Variants in TMEM116 observed in about 807,000 individuals in gnomAD.
The protein encoded by TMEM116 is transmembrane protein 116.
Under a neutral mutation model 44.3 loss-of-function variants are expected in TMEM116, and 38 were observed. That is an observed-to-expected ratio of 0.86 (90% CI 0.66 to 1.12). The LOEUF (loss-of-function observed/expected upper bound fraction) is 1.12. Among genes scored for constraint, TMEM116 ranks in the 50% most tolerant of loss-of-function variants. The pLI, the probability that TMEM116 is intolerant of heterozygous loss-of-function variation, is 0.00. For synonymous variants in TMEM116, 132 were observed against 144.8 expected (o/e 0.91, Z 0.64); for missense variants, 354 against 401.7 (o/e 0.88, Z 1.01).
chr12:111,968,992 C>CAAAAAAAAA (rs1176204219), intron 4 of TMEM116, among the ~76,000 whole-genome samples: 3 of 45,134 alleles, frequency 6.6e-5, no homozygotes, highest in Non-Finnish European at 9.0e-5. Flanking sequence ...GACTCTATCT[C>CAAAAAAAAA]AAAAAAAAAA....
At position 111,975,570 on chromosome 12, in the gene TMEM116, T is replaced by G. The variant is rs2075622934; in HGVS notation, c.210+16188A>C. On this transcript the variant is annotated intron_variant, in intron 4 of 10. Transcript: ENST00000552374. ...AATACTGCCTAATTTCAAGAAACGGTTTACAGCTAAAATAATCAAAATACC... is the reference window on the plus strand; with the variant it reads ...AATACTGCCTAATTTCAAGAAACGGGTTACAGCTAAAATAATCAAAATACC... 2.0e-5 allele frequency among the ~76,000 whole-genome samples: 3 copies of G among 152,274 alleles called. No homozygotes were observed. The South Asian group carries it at 6.2e-4, about 32-fold the overall frequency.
intron 4 of TMEM116, among the ~76,000 whole-genome samples, chr12:111,970,117 T>C (rs2075242708): frequency 6.6e-6 from 1 of 151,106 alleles, no homozygotes; most frequent in Admixed American, 6.6e-5. Flanking sequence ...AATAGAAAAA[T>C]TAGCTGGGCT....
intron 3 of TMEM116, chr12:112,000,614 T>C (rs1334209295): frequency 1.4e-5 from 5 of 362,476 alleles, no homozygotes; most frequent in Admixed American, 3.3e-5. Context: ...GCAGTCTTAC[T>C]TACTTACTTC....
At chr12:111,941,240 G>A (rs1250587508) in intron 5 of TMEM116, among the ~76,000 whole-genome samples, 1 of 152,030 alleles carries the variant, frequency 6.6e-6, no homozygotes, top group Non-Finnish European at 1.5e-5. Flanking sequence ...GCTGGGTGTG[G>A]TGGCATGTGC....
At chr12:111,937,121 T>A (rs1185684035) in intron 7 of TMEM116, 39 bp downstream of exon 7, 18 of 1,527,832 alleles carry the variant, frequency 1.2e-5, no homozygotes, top group Non-Finnish European at 1.6e-5. Context: ...CAAATAGGTG[T>A]AGTCTGCCAT....
intron 3 of TMEM116, among the ~76,000 whole-genome samples, chr12:111,996,173 A>G (rs1442662416): frequency 6.6e-6 from 1 of 152,098 alleles, no homozygotes; most frequent in Non-Finnish European, 1.5e-5. Flanking sequence ...AAATTTTCCT[A>G]AACAAAACAC....
chr12:111,971,413 T>C (rs1306639285), intron 4 of TMEM116, among the ~76,000 whole-genome samples: 2 of 152,054 alleles, frequency 1.3e-5, no homozygotes, highest in Non-Finnish European at 2.9e-5. Context: ...ATTCTTATCC[T>C]ATATGTGAAG....
chr12:111,932,463 A>G (rs930393963), intron 10 of TMEM116, 123 bp downstream of exon 10: 1 of 776,562 alleles, frequency 1.3e-6, no homozygotes, highest in Non-Finnish European at 2.1e-6. Context: ...TAAATAATAC[A>G]TTTTCTCTTT....
At chr12:112,000,673 A>G (rs778845218) in intron 3 of TMEM116, 2 of 489,888 alleles carry the variant, frequency 4.1e-6, no homozygotes, top group Non-Finnish European at 8.3e-6. Flanking sequence ...CTTTATTCCA[A>G]TAATGACCTA....
intron 4 of TMEM116, among the ~76,000 whole-genome samples, chr12:111,946,711 A>G (rs2073311323): frequency 6.6e-6 from 1 of 152,210 alleles, no homozygotes; most frequent in Admixed American, 6.5e-5. Flanking sequence ...TGCTTAAGAT[A>G]CTAGTTTTCT....
intron 3 of TMEM116, chr12:112,000,637 G>A (rs2077201610): frequency 2.4e-6 from 1 of 409,868 alleles, no homozygotes; most frequent in Non-Finnish European, 4.9e-6. Context: ...GAGCCTCCCA[G>A]GCTCAAGTGA....
chr12:111,932,634 C>T lies in TMEM116; in HGVS notation c.759G>A (p.Leu253=). Residue 253 remains leucine (L), a synonymous_variant, in exon 10 of 11, where the codon CTG becomes CTA. Coordinates refer to ENST00000552374, the MANE Select transcript of TMEM116 (RefSeq NM_001193531.2). ...GPAVILMIIK[L]TKPQDTKLHM... ...GAAGCTTGGTGTCCTGTGGCTTAGTCAGCTTTATGATCATTAGAATGACAG... is the reference window on the plus strand; with the variant it reads ...GAAGCTTGGTGTCCTGTGGCTTAGTTAGCTTTATGATCATTAGAATGACAG... 1 of 1,614,160 alleles carries T rather than the reference C, an allele frequency of 6.2e-7. No individual in the cohort carries two copies. The highest frequency in any genetic ancestry group is 8.5e-7 in the Non-Finnish European group (1 of 1,180,016).
chr12:111,976,820 G>A (rs2075696464), intron 4 of TMEM116, among the ~76,000 whole-genome samples: 1 of 151,986 alleles, frequency 6.6e-6, no homozygotes, highest in African/African-American at 2.4e-5. Flanking sequence ...TACTGTAATA[G>A]ACATAAAGAA....
chr12:111,956,896 C>G (rs2074140789), intron 4 of TMEM116, among the ~76,000 whole-genome samples: 1 of 152,200 alleles, frequency 6.6e-6, no homozygotes. Flanking sequence ...CCTTGGCCTC[C>G]CAAAGTCCCA....
chr12:111,955,260 C>T (rs373043130), intron 4 of TMEM116, among the ~76,000 whole-genome samples: 2 of 152,130 alleles, frequency 1.3e-5, no homozygotes, highest in South Asian at 2.1e-4. Context: ...GGCCCAGTCC[C>T]GTAGCCCACT....
At chr12:111,947,158 C>A (rs2073350931) in intron 4 of TMEM116, among the ~76,000 whole-genome samples, 1 of 146,316 alleles carries the variant, frequency 6.8e-6, no homozygotes, top group Non-Finnish European at 1.5e-5. Flanking sequence ...AATTTCTGTA[C>A]TTGCTTTTAA....
intron 4 of TMEM116, among the ~76,000 whole-genome samples, chr12:111,973,715 G>T (rs1209615178): frequency 6.6e-6 from 1 of 152,110 alleles, no homozygotes; most frequent in Non-Finnish European, 1.5e-5. Flanking sequence ...ACTTTGGGAG[G>T]CCGAGGCTGG....
intron 9 of TMEM116, 44 bp downstream of exon 9, chr12:111,933,842 T>C (rs769590507): frequency 8.1e-6 from 13 of 1,609,596 alleles, no homozygotes; most frequent in Non-Finnish European, 1.0e-5. Context: ...CAGAACCTAA[T>C]AACTGCCCTC....
chr12:111,956,454 AC>A (rs2074090005), intron 4 of TMEM116, among the ~76,000 whole-genome samples: 1 of 152,140 alleles, frequency 6.6e-6, no homozygotes, highest in Non-Finnish European at 1.5e-5. Context: ...TGCTCTAAGA[AC>A]CAACAAACAG....
Sources: gnomAD v4.1 joint callset for allele counts (sites outside exome capture counted in the v4.1 genomes callset) on GRCh38, gnomAD v4.1.1 for gene constraint, MANE v1.5 for transcripts, NCBI Gene and HGNC (gene_info 2026-07-23, HGNC 2026-07-21) for gene names.